The following EIF4G3 variants were observed in gnomAD, a reference collection of about 807,000 sequenced individuals.
EIF4G3 encodes the protein eukaryotic translation initiation factor 4 gamma 3, also known as eIF-4-gamma 3.
In EIF4G3, 34 loss-of-function variants were observed where a neutral mutation model predicts 186.4. That is an observed-to-expected ratio of 0.18 (90% CI 0.14 to 0.24). EIF4G3 has a LOEUF of 0.24. Ranked by LOEUF, EIF4G3 falls within the 10% of genes least tolerant of loss-of-function variation. EIF4G3 has a pLI of 1.00. For missense variants in EIF4G3, 1,536 were observed against 1,948.5 expected, an observed-to-expected ratio of 0.79 and a Z score of 3.99; for synonymous variants, 673 against 679.5, an observed-to-expected ratio of 0.99 and a Z score of 0.15.
intron 18 of EIF4G3, among the ~76,000 whole-genome samples, chr1:20,892,373 A>T (rs914309610): frequency 7.2e-5 from 11 of 152,236 alleles, no homozygotes; most frequent in Admixed American, 6.5e-4. Context: ...TGGAGTAGGC[A>T]GAGCCTGCCG....
In EIF4G3 at chr1:20,894,813, C is replaced by T. The variant is rs182719290; in HGVS notation, c.2133+555G>A. 4.8e-3 allele frequency among the ~76,000 whole-genome samples: 737 copies of T among 152,234 alleles called. 5 individuals are homozygous for T. The highest frequency in any genetic ancestry group is 0.017 in the African/African-American group (702 of 41,530). ...ATTTAGTAAACAAATACTGACTGTA[C>T]TAATTTGCTGTGTGCACCATAAAGA... On this transcript the variant is annotated intron_variant, in intron 17 of 36. Coordinates refer to ENST00000602326, the MANE Select transcript of EIF4G3 (RefSeq NM_001391906.1).
At position 21,176,841 on chromosome 1, in the gene EIF4G3, C is replaced by T. The variant is rs766267482; in HGVS notation, c.-575G>A. The T allele has an allele frequency of 2.9e-6, 2 of 701,664 alleles. No individual in the cohort carries two copies. The highest frequency in any genetic ancestry group is 1.5e-5 in the South Asian group (1 of 67,592). 43.5% of individuals were successfully genotyped at this position (701,664 alleles called of 1,614,324 possible). ...ATGCCGGTGGATTTTCTTCACTCAA[C>T]GAGCAGAGCATCCAACATGGCGCTG... On this transcript the variant is annotated 5_prime_UTR_variant, in exon 1 of 37. Coordinates refer to ENST00000602326, the MANE Select transcript of EIF4G3 (RefSeq NM_001391906.1).
chr1:21,064,995 C>T (rs1348699550), intron 3 of EIF4G3: 2 of 152,054 alleles, frequency 1.3e-5, no homozygotes, highest in Non-Finnish European at 2.9e-5. Flanking sequence ...TCAGTGACTG[C>T]AATGGAATTA....
chr1:20,896,052 G>A (rs755571751), intron 16 of EIF4G3, among the ~76,000 whole-genome samples: 36 of 152,130 alleles, frequency 2.4e-4, no homozygotes, highest in Non-Finnish European at 4.4e-4. Context: ...GATCTTGACC[G>A]TGTATAGGCC....
Position 21,038,295 on chromosome 1 carries a change from G to C in EIF4G3, c.-67+12571C>G, listed in dbSNP as rs901714369. Among the ~76,000 whole-genome samples, 9 of 152,222 alleles carry C rather than the reference G, an allele frequency of 5.9e-5. No homozygotes were observed. The East Asian group carries it at 1.7e-3, about 29-fold the overall frequency. Reference sequence around the variant, plus strand: ...AGGACCAGTTCCCCCAAGACTGTGGGCTAAAAGCACCAGTGTACTGATAAA... The same window carrying C: ...AGGACCAGTTCCCCCAAGACTGTGGCCTAAAAGCACCAGTGTACTGATAAA... On this transcript the variant is annotated intron_variant, in intron 4 of 36. Coordinates refer to ENST00000602326, the MANE Select transcript of EIF4G3 (RefSeq NM_001391906.1).
intron 12 of EIF4G3, among the ~76,000 whole-genome samples, chr1:20,962,908 G>GTTTTTTT (rs66593105): frequency 2.2e-5 from 3 of 139,180 alleles, no homozygotes; most frequent in African/African-American, 2.7e-5. Context: ...TTGTAGTTTT[G>GTTTTTTT]TTTTTTTTTT....
At chr1:20,962,481 C>T (rs908879137) in intron 12 of EIF4G3, among the ~76,000 whole-genome samples, 9 of 152,168 alleles carry the variant, frequency 5.9e-5, no homozygotes, top group African/African-American at 2.2e-4. Context: ...TGGTCAACCA[C>T]AGCTGCAGAT....
At chr1:21,172,077 A>G (rs2103075073) in intron 2 of EIF4G3, among the ~76,000 whole-genome samples, 1 of 142,336 alleles carries the variant, frequency 7.0e-6, no homozygotes, top group Middle Eastern at 3.6e-3. Context: ...TTGAATTTTT[A>G]GCTTGTGTTT....
intron 3 of EIF4G3, among the ~76,000 whole-genome samples, chr1:21,066,971 A>G (rs1392442244): frequency 6.6e-6 from 1 of 152,236 alleles, no homozygotes; most frequent in East Asian, 1.9e-4. Flanking sequence ...CAAACATTAA[A>G]GAACTTTATT....
At chr1:21,066,504 T>C (rs1411157643) in intron 3 of EIF4G3, among the ~76,000 whole-genome samples, 1 of 152,122 alleles carries the variant, frequency 6.6e-6, no homozygotes, top group East Asian at 1.9e-4. Flanking sequence ...CTTTCTAATC[T>C]AGTATTCTGC....
intron 3 of EIF4G3, among the ~76,000 whole-genome samples, chr1:21,060,905 C>T (rs576109631): frequency 5.1e-4 from 78 of 151,976 alleles, no homozygotes; most frequent in Non-Finnish European, 8.4e-4. Flanking sequence ...GGAATGTAGA[C>T]TGATTGATTC....
At chr1:21,076,278 T>A (rs2095585278) in intron 3 of EIF4G3, among the ~76,000 whole-genome samples, 1 of 151,892 alleles carries the variant, frequency 6.6e-6, no homozygotes, top group African/African-American at 2.4e-5. Context: ...AGGAAGAAAA[T>A]TTTAAAATTT....
intron 4 of EIF4G3, among the ~76,000 whole-genome samples, chr1:21,022,907 T>C (rs923204120): frequency 3.3e-5 from 5 of 152,220 alleles, no homozygotes; most frequent in Admixed American, 1.3e-4. Context: ...GTAAATGTTC[T>C]TTTACTATGA....
chr1:20,845,943 T>C (rs1471751937), intron 29 of EIF4G3, among the ~76,000 whole-genome samples: 1 of 152,202 alleles, frequency 6.6e-6, no homozygotes, highest in Non-Finnish European at 1.5e-5. Context: ...AAGCATGGGA[T>C]GTTTTTCCAG....
intron 2 of EIF4G3, among the ~76,000 whole-genome samples, chr1:21,102,532 G>A (rs1191004618): frequency 6.6e-6 from 1 of 152,138 alleles, no homozygotes; most frequent in East Asian, 1.9e-4. Context: ...ATGCTAAAGA[G>A]ACATTCTTAA....
rs68082239 is a variant in EIF4G3 at position 20,817,289 on chromosome 1, A to AATAAAAAAAATAAAT, written c.4515+102_4515+103insATTTATTTTTTTTAT. 2,588 of 299,064 alleles carry AATAAAAAAAATAAAT rather than the reference A, an allele frequency of 8.7e-3. 44 individuals are homozygous for AATAAAAAAAATAAAT. The highest frequency in any genetic ancestry group is 0.015 in the East Asian group (143 of 9,562). 18.5% of individuals were successfully genotyped at this position (299,064 alleles called of 1,614,324 possible). ...AAAAATAAATAAATAAAAAAAAATA[A>AATAAAAAAAATAAAT]AAATAAAAATTCATGAAGTGAACTG... is the stretch of plus-strand genomic sequence containing the variant. On this transcript the variant is annotated intron_variant, in intron 34 of 36. Coordinates refer to ENST00000602326, the MANE Select transcript of EIF4G3 (RefSeq NM_001391906.1).
chr1:20,887,336 A>G (rs552649062), intron 18 of EIF4G3, among the ~76,000 whole-genome samples: 11 of 152,184 alleles, frequency 7.2e-5, no homozygotes, highest in Middle Eastern at 3.4e-3. Context: ...TAAGGCCCCA[A>G]TGCTGCCCTT....
At chr1:20,903,842 T>C (rs921121542) in intron 15 of EIF4G3, among the ~76,000 whole-genome samples, 6 of 152,230 alleles carry the variant, frequency 3.9e-5, no homozygotes, top group Non-Finnish European at 8.8e-5. Context: ...TATTTTATCA[T>C]GTTAAACCTT....
chr1:20,855,866 A>G (rs560908090), intron 25 of EIF4G3, among the ~76,000 whole-genome samples: 12 of 152,306 alleles, frequency 7.9e-5, no homozygotes, highest in African/African-American at 2.2e-4. Flanking sequence ...CTGAATACAC[A>G]AAGTTTATTA....
Sources: allele counts gnomAD v4.1 joint callset (sites outside exome capture counted in the v4.1 genomes callset), GRCh38; gene constraint gnomAD v4.1.1; transcripts MANE v1.5; gene names NCBI Gene and HGNC (gene_info 2026-07-23, HGNC 2026-07-21).